Variants in NAP1L1 observed in about 807,000 individuals in gnomAD.
NAP1L1 encodes the protein nucleosome assembly protein 1 like 1.
NAP1L1 carries 9 observed loss-of-function variants against 58.9 expected under a neutral mutation model. The observed-to-expected ratio is 0.15, with a 90% CI of 0.09 to 0.27. The LOEUF is 0.27. NAP1L1 is among the 10% of genes least tolerant of loss of function. The pLI is 1.00. For synonymous variants in NAP1L1, 130 were observed against 138.3 expected, an observed-to-expected ratio of 0.94 and a Z score of 0.42; for missense variants, 302 against 458.8, an observed-to-expected ratio of 0.66 and a Z score of 3.12.
At chr12:76,052,345 TTAAAG>T (rs1195479004) in intron 11 of NAP1L1, among the ~76,000 whole-genome samples, 2 of 152,166 alleles carry the variant, frequency 1.3e-5, no homozygotes, top group African/African-American at 2.4e-5. Context: ...ATCTTAATAC[TTAAAG>T]TAGTTTTTCT....
chr12:76,058,811 CAAT>C (rs1436319308), intron 6 of NAP1L1, among the ~76,000 whole-genome samples: 4 of 152,156 alleles, frequency 2.6e-5, no homozygotes, highest in African/African-American at 4.8e-5. Context: ...GCTTCCTCAC[CAAT>C]AATATGTCTC....
chr12:76,056,695 A>G, intron 6 of NAP1L1: 1 of 445,916 alleles, frequency 2.2e-6, no homozygotes. Flanking sequence ...TAAAAAAAAA[A>G]AAAGAATATA....
intron 1 of NAP1L1, among the ~76,000 whole-genome samples, chr12:76,078,990 T>TACACAC (rs1410110613): frequency 6.8e-6 from 1 of 147,936 alleles, no homozygotes; most frequent in African/African-American, 2.6e-5. Context: ...TCCATATATA[T>TACACAC]ATATACACAC....
intron 4 of NAP1L1, among the ~76,000 whole-genome samples, chr12:76,066,096 CAAAA>C (rs1202277185): frequency 4.4e-5 from 6 of 136,486 alleles, no homozygotes; most frequent in East Asian, 4.1e-4. Context: ...GAGGAGGACC[CAAAA>C]TAAATAAATA....
In NAP1L1 at chr12:76,040,377, C is replaced by T. The variant is rs1286186245; in HGVS notation, c.*8052G>A. On this transcript the variant is annotated 3_prime_UTR_variant, in exon 15 of 15. Coordinates refer to ENST00000618691, the MANE Select transcript of NAP1L1 (RefSeq NM_004537.7). ...ATCAAATTTGAACTAAGAGGGTCCACTTACAGGTTTACTTCTGTCTCTACT... is the reference window on the plus strand; with the variant it reads ...ATCAAATTTGAACTAAGAGGGTCCATTTACAGGTTTACTTCTGTCTCTACT... The T allele has an allele frequency of 1.3e-5, 2 of 152,138 alleles. No individual in the cohort carries two copies. Among genetic ancestry groups the T allele is most frequent in the South Asian group, 2.1e-4 (1 of 4,834 alleles). 9.4% of individuals were successfully genotyped at this position (152,138 alleles called of 1,614,324 possible). A position where few individuals can be genotyped will look rare whatever the true frequency, so the allele number is the denominator to read the frequency against.
chr12:76,070,649 T>C (rs780958878), intron 2 of NAP1L1, among the ~76,000 whole-genome samples: 10 of 152,194 alleles, frequency 6.6e-5, no homozygotes, highest in African/African-American at 1.9e-4. Context: ...CATTTATGTA[T>C]TGTCTGCTTT....
chr12:76,048,975 T>C (rs935819684), intron 14 of NAP1L1: 2 of 547,616 alleles, frequency 3.7e-6, no homozygotes, highest in African/African-American at 3.8e-5. Flanking sequence ...TACCTGAAAC[T>C]ATAAAAAGCA....
rs1386272345 is a variant in NAP1L1 at position 76,058,004 on chromosome 12, A to G, written c.429+1794T>C. The G allele has an allele frequency of 7.4e-6, 6 of 816,016 alleles. No homozygotes were observed. The East Asian group carries it at 1.5e-4, about 20-fold the overall frequency. 50.5% of individuals were successfully genotyped at this position (816,016 alleles called of 1,614,324 possible). On this transcript the variant is annotated intron_variant, in intron 6 of 14. Coordinates refer to ENST00000618691, the MANE Select transcript of NAP1L1 (RefSeq NM_004537.7). The stretch of plus-strand genomic sequence containing the variant: ...CTCAAAAATTCTCCTGTGGTGCCTC[A>G]GTAACAGAGGAGGATGAAATTATCA...
At chr12:76,070,147 C>G (rs1949883325) in intron 2 of NAP1L1, among the ~76,000 whole-genome samples, 2 of 150,516 alleles carry the variant, frequency 1.3e-5, no homozygotes, top group South Asian at 4.2e-4. Flanking sequence ...GAGACAGTGT[C>G]TTGCTCTGTC....
intron 5 of NAP1L1, 60 bp from the exon 6 acceptor site, chr12:76,059,938 T>C: frequency 7.3e-7 from 1 of 1,372,012 alleles, no homozygotes; most frequent in Non-Finnish European, 1.0e-6. Context: ...CTAAAACCAG[T>C]GGTTTCTCAC....
chr12:76,055,393 T>C (rs958442254), intron 7 of NAP1L1, among the ~76,000 whole-genome samples: 24 of 152,352 alleles, frequency 1.6e-4, no homozygotes, highest in Admixed American at 5.9e-4. Flanking sequence ...CTGATTGTAA[T>C]TGCTGCCTTT....
In NAP1L1 at chr12:76,047,106, G is replaced by A. The variant is rs1948624745; in HGVS notation, c.*1323C>T. On this transcript the variant is annotated 3_prime_UTR_variant, in exon 15 of 15. Transcript: ENST00000618691. ...TCCAGTTTAGTTATCAAAGCGTGGT[G>A]TGAACAAAATGCTTAGTGTCACACT... 6.6e-6 allele frequency: 1 copy of A among 152,482 alleles called. No homozygotes were observed. The highest frequency in any genetic ancestry group is 2.1e-4 in the South Asian group (1 of 4,830). The allele number at this position is 152,482 out of a possible 1,614,324, so 9.4% of individuals were successfully genotyped here.
intron 2 of NAP1L1, among the ~76,000 whole-genome samples, chr12:76,072,300 TAAA>T (rs566199999): frequency 8.3e-6 from 1 of 120,964 alleles, no homozygotes. Context: ...GGATGCTATT[TAAA>T]AAAAAAAAAA....
Position 76,041,764 on chromosome 12 carries a change from A to G in NAP1L1, c.*6665T>C, listed in dbSNP as rs529827550. The G allele has an allele frequency of 1.3e-4, 20 of 152,348 alleles. 1 individual carries two copies. The East Asian group carries it at 3.9e-3, about 29-fold the overall frequency. 9.4% of individuals were successfully genotyped at this position (152,348 alleles called of 1,614,324 possible). ...TTGACTGGCCTAATCCAAGTCTAAA[A>G]TCACATCTGATCTCAAGACAGACAC... On this transcript the variant is annotated 3_prime_UTR_variant, in exon 15 of 15. Coordinates refer to ENST00000618691, the MANE Select transcript of NAP1L1 (RefSeq NM_004537.7).
chr12:76,057,636 T>C lies in NAP1L1; in HGVS notation c.430-1475A>G, dbSNP rs73385458. On this transcript the variant is annotated intron_variant, in intron 6 of 14. Coordinates refer to ENST00000618691, the MANE Select transcript of NAP1L1 (RefSeq NM_004537.7). ...CTGATTACCTACTTTGAGTCCTTTATTGTGGAGTCTGTTCATTACCAATAG... is the reference window on the plus strand; with the variant it reads ...CTGATTACCTACTTTGAGTCCTTTACTGTGGAGTCTGTTCATTACCAATAG... The C allele has an allele frequency of 3.4e-3, 4,684 of 1,360,022 alleles. 117 individuals carry two copies. The African/African-American group carries it at 0.057, about 17-fold the overall frequency. The allele number at this position is 1,360,022 out of a possible 1,614,324, so 84.2% of individuals were successfully genotyped here. A position where few individuals can be genotyped will look rare whatever the true frequency, so the allele number is the denominator to read the frequency against.
At chr12:76,060,106 GTTAAA>G in intron 5 of NAP1L1, 27 bp downstream of exon 5, 2 of 1,596,008 alleles carry the variant, frequency 1.3e-6, no homozygotes, top group Non-Finnish European at 1.7e-6. Flanking sequence ...CTTCTAGAAT[GTTAAA>G]TTAAACAAAG....
At chr12:76,056,676 C>A (rs1028125084) in intron 6 of NAP1L1, 1 of 442,894 alleles carries the variant, frequency 2.3e-6, no homozygotes, top group African/African-American at 2.1e-5. Context: ...CCTCAGCCTA[C>A]CATGAAGTTA....
chr12:76,078,003 G>GAAA (rs1565749743), intron 1 of NAP1L1, among the ~76,000 whole-genome samples: 15 of 135,894 alleles, frequency 1.1e-4, no homozygotes, highest in East Asian at 4.3e-4. Flanking sequence ...AAAAAAAAAG[G>GAAA]AAAAGAATTA....
Position 76,048,354 on chromosome 12 carries a change from A to C in NAP1L1, c.*75T>G. ...GTCTACCAAGAAAATACAAAAACAT[A>C]AGGCTGTAAGTAAATAAGAGTTGTG... is the stretch of plus-strand genomic sequence containing the variant. On this transcript the variant is annotated 3_prime_UTR_variant, in exon 15 of 15. Coordinates refer to ENST00000618691, the MANE Select transcript of NAP1L1 (RefSeq NM_004537.7). 1 of 1,522,560 alleles carries C rather than the reference A, an allele frequency of 6.6e-7. No homozygotes were observed. Among genetic ancestry groups the C allele is most frequent in the Non-Finnish European group, 9.0e-7 (1 of 1,112,630 alleles). 94.3% of individuals were successfully genotyped at this position (1,522,560 alleles called of 1,614,324 possible). A position where few individuals can be genotyped will look rare whatever the true frequency, so the allele number is the denominator to read the frequency against.
Sources: allele counts gnomAD v4.1 joint callset (sites outside exome capture counted in the v4.1 genomes callset), GRCh38; gene constraint gnomAD v4.1.1; transcripts MANE v1.5; gene names NCBI Gene and HGNC (gene_info 2026-07-23, HGNC 2026-07-21).